The following PALLD variants were observed in gnomAD, a reference collection of about 807,000 sequenced individuals.
PALLD encodes the protein palladin.
In PALLD, 61 loss-of-function variants were observed where a neutral mutation model predicts 123.5. The ratio of observed to expected loss-of-function variants is 0.49; its 90% CI spans 0.40 to 0.61. The LOEUF is 0.61. PALLD is among the 20% of genes least tolerant of loss of function. The probability of loss-of-function intolerance (pLI) is 0.00; values close to 1 mark genes in which losing one functional copy is unlikely to be tolerated. For missense variants in PALLD, 1,273 were observed against 1,377.0 expected (o/e 0.92, Z 1.20); for synonymous variants, 465 against 496.4 (o/e 0.94, Z 0.84).
At chr4:168,925,204 T>C in intron 20 of PALLD, 29 bp from the exon 21 acceptor site, 17 of 1,526,366 alleles carry the variant, frequency 1.1e-5, no homozygotes, top group Non-Finnish European at 1.5e-5. Context: ...AAAAAATTCA[T>C]ATTGCTCTCT....
intron 10 of PALLD, among the ~76,000 whole-genome samples, chr4:168,764,753 G>C (rs955797877): frequency 1.3e-5 from 2 of 152,020 alleles, no homozygotes. Flanking sequence ...TCAAAGACTT[G>C]CTTAGAGATG....
chr4:168,786,837 G>C (rs1356622219), intron 10 of PALLD, among the ~76,000 whole-genome samples: 1 of 152,086 alleles, frequency 6.6e-6, no homozygotes, highest in Non-Finnish European at 1.5e-5. Flanking sequence ...AATTAAAATT[G>C]TTATACAAAA....
At chr4:168,640,916 T>C (rs1776871565) in intron 2 of PALLD, among the ~76,000 whole-genome samples, 1 of 151,880 alleles carries the variant, frequency 6.6e-6, no homozygotes, top group Non-Finnish European at 1.5e-5. Context: ...TTTTGAAAAA[T>C]AGAGATTCCA....
intron 2 of PALLD, among the ~76,000 whole-genome samples, chr4:168,597,529 TCTA>T (rs1772118157): frequency 6.6e-6 from 1 of 152,144 alleles, no homozygotes; most frequent in Non-Finnish European, 1.5e-5. Flanking sequence ...GGCATAGCTC[TCTA>T]CTAACTTTTC....
At chr4:168,875,579 T>C (rs1268793215) in intron 10 of PALLD, among the ~76,000 whole-genome samples, 2 of 152,116 alleles carry the variant, frequency 1.3e-5, no homozygotes, top group African/African-American at 4.8e-5. Context: ...AATGGTGAAG[T>C]CAAAACGCTA....
chr4:168,516,667 C>T (rs1448117066), intron 2 of PALLD, among the ~76,000 whole-genome samples: 2 of 152,058 alleles, frequency 1.3e-5, no homozygotes, highest in African/African-American at 4.8e-5. Flanking sequence ...TGATCCCATG[C>T]TGCAGTTGTT....
chr4:168,714,863 AAAG>A (rs1785191774), intron 10 of PALLD, among the ~76,000 whole-genome samples: 1 of 152,294 alleles, frequency 6.6e-6, no homozygotes, highest in African/African-American at 2.4e-5. Flanking sequence ...TCAAAAAAAA[AAAG>A]AAAACTGCAT....
chr4:168,741,347 T>TG (rs60613120), intron 10 of PALLD, among the ~76,000 whole-genome samples: 185 of 132,016 alleles, frequency 1.4e-3, no homozygotes, highest in Admixed American at 4.5e-3. Flanking sequence ...TTTGTTTTTT[T>TG]TGTGTGTGTG....
At chr4:168,863,335 G>T (rs532387187) in intron 10 of PALLD, among the ~76,000 whole-genome samples, 1 of 152,302 alleles carries the variant, frequency 6.6e-6, no homozygotes, top group East Asian at 1.9e-4. Flanking sequence ...AGTCCAGGCA[G>T]CATTGAACAG....
chr4:168,785,547 T>G lies in PALLD; in HGVS notation c.1964+73624T>G, dbSNP rs191422941. 4.6e-3 allele frequency among the ~76,000 whole-genome samples: 701 copies of G among 152,218 alleles called. 12 individuals are homozygous for G. Among genetic ancestry groups the G allele is most frequent in the Non-Finnish European group, 1.7e-3 (117 of 68,006 alleles). On this transcript the variant is annotated intron_variant, in intron 10 of 21. Coordinates refer to ENST00000505667, the MANE Select transcript of PALLD (RefSeq NM_001166108.2). ...AACATTTACCCTTTGATCCAGAGTTTCCCCATATTCTGGGAAGCAGTAACT... is the reference window on the plus strand; with the variant it reads ...AACATTTACCCTTTGATCCAGAGTTGCCCCATATTCTGGGAAGCAGTAACT...
chr4:168,725,300 T>C (rs908987839), intron 10 of PALLD, among the ~76,000 whole-genome samples: 2 of 152,224 alleles, frequency 1.3e-5, no homozygotes, highest in African/African-American at 2.4e-5. Flanking sequence ...ACTTCTGCTT[T>C]CCTAGTAATT....
intron 2 of PALLD, among the ~76,000 whole-genome samples, chr4:168,628,683 C>A (rs1406550535): frequency 6.6e-6 from 1 of 152,202 alleles, no homozygotes; most frequent in Non-Finnish European, 1.5e-5. Context: ...AAATTCCCCA[C>A]TGACATCCCC....
intron 2 of PALLD, among the ~76,000 whole-genome samples, chr4:168,644,438 G>C (rs1257739357): frequency 6.6e-6 from 1 of 152,078 alleles, no homozygotes; most frequent in African/African-American, 2.4e-5. Flanking sequence ...TTGTCCCAAG[G>C]GGTTAAACAG....
At chr4:168,747,212 A>G (rs1176163145) in intron 10 of PALLD, among the ~76,000 whole-genome samples, 1 of 152,220 alleles carries the variant, frequency 6.6e-6, no homozygotes, top group Non-Finnish European at 1.5e-5. Context: ...CCACACTCTA[A>G]TCAGCTGCAT....
intron 10 of PALLD, among the ~76,000 whole-genome samples, chr4:168,788,155 C>G (rs1045550923): frequency 3.3e-5 from 5 of 152,152 alleles, no homozygotes; most frequent in African/African-American, 1.2e-4. Context: ...TGATCTCATT[C>G]CTAATTTGCA....
intron 10 of PALLD, among the ~76,000 whole-genome samples, chr4:168,749,983 G>A (rs1467887375): frequency 6.8e-6 from 1 of 147,182 alleles, no homozygotes; most frequent in African/African-American, 2.5e-5. Flanking sequence ...GTCTCGCTCT[G>A]TCACCCAGGC....
intron 10 of PALLD, among the ~76,000 whole-genome samples, chr4:168,810,167 C>T (rs115803781): frequency 6.6e-4 from 97 of 147,768 alleles, no homozygotes; most frequent in African/African-American, 2.3e-3. Flanking sequence ...GAGAGGAGGA[C>T]GGGAAAAGAG....
rs374875087 is a variant in PALLD at position 168,511,653 on chromosome 4, T to C, written c.149T>C (p.Ile50Thr). 2.9e-5 allele frequency: 47 copies of C among 1,614,148 alleles called. No homozygotes were observed. Among genetic ancestry groups the C allele is most frequent in the Non-Finnish European group, 3.6e-5 (42 of 1,180,030 alleles). ...AGTCTTGACCTGGCCCGGAGAGCCATAGCCGACTCCGAAACAGAAGATTTT... is the reference window on the plus strand; with the variant it reads ...AGTCTTGACCTGGCCCGGAGAGCCACAGCCGACTCCGAAACAGAAGATTTT... The part of the protein sequence containing the change: ...NKSLDLARRA[I>T]ADSETEDFDS... The change falls in exon 2 of 22, where the codon ATA becomes ACA. Residue 50 changes from isoleucine (I) to threonine (T), a missense_variant. By Grantham distance (89) the Ile-to-Thr change is moderately conservative. Transcript: ENST00000505667.
At chr4:168,537,121 G>A (rs1161266227) in intron 2 of PALLD, among the ~76,000 whole-genome samples, 1 of 152,204 alleles carries the variant, frequency 6.6e-6, no homozygotes, top group Admixed American at 6.5e-5. Context: ...ACCGCGCCCA[G>A]CGGAAAAGAT....
Sources: allele counts gnomAD v4.1 joint callset (sites outside exome capture counted in the v4.1 genomes callset), GRCh38; gene constraint gnomAD v4.1.1; transcripts MANE v1.5; gene names NCBI Gene and HGNC (gene_info 2026-07-23, HGNC 2026-07-21).